UGP2: variants seen among roughly 807,000 people sequenced by gnomAD.
The protein encoded by UGP2 is UDP-glucose pyrophosphorylase 2.
A neutral mutation model predicts 49.0 loss-of-function variants in UGP2; 40 were observed. The observed-to-expected ratio is 0.82, with a 90% CI of 0.63 to 1.06. The LOEUF (loss-of-function observed/expected upper bound fraction) is 1.06. Ranked by LOEUF, UGP2 falls within the 50% of genes least tolerant of loss-of-function variation. The pLI is 0.00. For missense variants in UGP2, 460 were observed against 603.5 expected (o/e 0.76, Z 2.49); for synonymous variants, 225 against 213.0 (o/e 1.06, Z -0.49).
intron 4 of UGP2, 64 bp from the exon 5 acceptor site, chr2:63,883,896 A>G (rs1671485636): frequency 2.0e-6 from 3 of 1,536,968 alleles, no homozygotes; most frequent in Non-Finnish European, 2.6e-6. Flanking sequence ...TTAAGAACTA[A>G]TTTTGCATAT....
At chr2:63,864,502 G>T (rs1188464354) in intron 3 of UGP2, among the ~76,000 whole-genome samples, 1 of 152,170 alleles carries the variant, frequency 6.6e-6, no homozygotes, top group Non-Finnish European at 1.5e-5. Flanking sequence ...TTTCTTACAT[G>T]ATACTCAGAT....
intron 8 of UGP2, 90 bp from the exon 9 acceptor site, chr2:63,889,991 A>T: frequency 1.0e-6 from 1 of 1,003,706 alleles, no homozygotes. Flanking sequence ...AAAGGTTTCT[A>T]CAGTTCAGTT....
At position 63,885,815 on chromosome 2, in the gene UGP2, A is replaced by G; in HGVS notation, c.802A>G (p.Met268Val). The G allele has an allele frequency of 1.2e-6, 2 of 1,610,594 alleles. No homozygotes were observed. Among genetic ancestry groups the G allele is most frequent in the African/African-American group, 1.3e-5 (1 of 74,826 alleles). Residue 268 changes from methionine to valine, a missense_variant, in exon 6 of 10, where the codon ATG becomes GTG. By Grantham distance (21) the Met-to-Val change is conservative. Transcript: ENST00000337130. Reference protein sequence around the residue: ...TVDLYILNHLMNPPNGKRCEF... With the variant: ...TVDLYILNHLVNPPNGKRCEF... ...GGATCTGTATATTCTTAATCATCTA[A>G]TGAACCCACCCAATGGAAAACGCTG...
intron 4 of UGP2, 185 bp downstream of exon 4, chr2:63,882,836 G>C (rs1474175867): frequency 2.1e-6 from 1 of 481,894 alleles, no homozygotes; most frequent in African/African-American, 2.0e-5. Context: ...GTTATGTAAA[G>C]GCTTTTGATC....
At chr2:63,874,532 C>T (rs1464077394) in intron 3 of UGP2, among the ~76,000 whole-genome samples, 1 of 152,154 alleles carries the variant, frequency 6.6e-6, no homozygotes, top group Non-Finnish European at 1.5e-5. Flanking sequence ...AGGAGGAAAA[C>T]AGAGTATGGT....
chr2:63,857,017 C>T (rs1263620278), intron 2 of UGP2: 9 of 358,662 alleles, frequency 2.5e-5, no homozygotes, highest in African/African-American at 4.3e-5. Flanking sequence ...GTAAGTGTAG[C>T]GGCCAGGCGC....
chr2:63,885,035 T>C (rs1366886338), intron 5 of UGP2, among the ~76,000 whole-genome samples: 1 of 137,832 alleles, frequency 7.3e-6, no homozygotes, highest in Non-Finnish European at 1.6e-5. Context: ...TTTGCAGATG[T>C]TTTGCCTTTA....
intron 3 of UGP2, among the ~76,000 whole-genome samples, chr2:63,878,229 C>G (rs944362378): frequency 6.6e-6 from 1 of 152,032 alleles, no homozygotes; most frequent in Non-Finnish European, 1.5e-5. Context: ...AGCAGATGTT[C>G]TCTGATAGCT....
chr2:63,882,846 C>G (rs1671409587), intron 4 of UGP2, 195 bp downstream of exon 4: 1 of 401,114 alleles, frequency 2.5e-6, no homozygotes, highest in East Asian at 4.3e-5. Context: ...GGCTTTTGAT[C>G]TTAAATAGCA....
intron 8 of UGP2, 66 bp downstream of exon 8, chr2:63,887,710 C>G: frequency 6.4e-7 from 1 of 1,574,144 alleles, no homozygotes; most frequent in Non-Finnish European, 8.6e-7. Flanking sequence ...ATATGATATA[C>G]ATGTGAATTG....
intron 3 of UGP2, among the ~76,000 whole-genome samples, chr2:63,865,331 C>A (rs1217919073): frequency 6.6e-6 from 1 of 152,156 alleles, no homozygotes; most frequent in Non-Finnish European, 1.5e-5. Context: ...GCCTAGAGGG[C>A]TGAAGGAATC....
intron 3 of UGP2, among the ~76,000 whole-genome samples, chr2:63,874,775 TA>T (rs778160862): frequency 0.017 from 2,373 of 140,852 alleles, 19 homozygotes; most frequent in Non-Finnish European, 0.018. Context: ...ACTGATTGTT[TA>T]AAAAAAAAAA....
At chr2:63,868,349 T>C (rs563155199) in intron 3 of UGP2, among the ~76,000 whole-genome samples, 1 of 152,336 alleles carries the variant, frequency 6.6e-6, no homozygotes, top group South Asian at 2.1e-4. Context: ...TTTGATCATC[T>C]ATCATTAAGC....
chr2:63,871,210 C>T (rs552989558), intron 3 of UGP2, among the ~76,000 whole-genome samples: 1 of 152,112 alleles, frequency 6.6e-6, no homozygotes, highest in Non-Finnish European at 1.5e-5. Flanking sequence ...CCTTCTACCC[C>T]CTCTCCCCTA....
At chr2:63,842,804 G>T (rs569266387) in intron 1 of UGP2, among the ~76,000 whole-genome samples, 23 of 152,282 alleles carry the variant, frequency 1.5e-4, no homozygotes, top group African/African-American at 4.6e-4. Flanking sequence ...GATGATTAAG[G>T]TTCCTTTGAA....
chr2:63,891,010 A>C (rs997372561), intron 9 of UGP2, 110 bp from the exon 10 acceptor site: 3 of 709,902 alleles, frequency 4.2e-6, no homozygotes, highest in East Asian at 2.9e-5. Flanking sequence ...TTTATAAAAA[A>C]AGTTACTTCA....
upstream of UGP2, chr2:63,841,563 C>T (rs1442835370): frequency 6.6e-6 from 1 of 152,312 alleles, no homozygotes; most frequent in Admixed American, 6.5e-5. Flanking sequence ...GCTGAGGCCC[C>T]GACCGGTCGG....
chr2:63,866,755 G>A (rs1284263774), intron 3 of UGP2, among the ~76,000 whole-genome samples: 1 of 152,160 alleles, frequency 6.6e-6, no homozygotes, highest in Non-Finnish European at 1.5e-5. Flanking sequence ...CATGCTGCAA[G>A]CTCATTGTCA....
At chr2:63,878,843 G>C (rs1340429915) in intron 3 of UGP2, among the ~76,000 whole-genome samples, 1 of 152,210 alleles carries the variant, frequency 6.6e-6, no homozygotes, top group African/African-American at 2.4e-5. Flanking sequence ...TGGGATTACA[G>C]ATGTGAGCCC....
Sources: gnomAD v4.1 joint callset for allele counts (sites outside exome capture counted in the v4.1 genomes callset) on GRCh38, gnomAD v4.1.1 for gene constraint, MANE v1.5 for transcripts, NCBI Gene and HGNC (gene_info 2026-07-23, HGNC 2026-07-21) for gene names.